The following WNK1 variants were observed in gnomAD, a reference collection of about 807,000 sequenced individuals.
The protein encoded by WNK1 is serine/threonine-protein kinase WNK1.
In WNK1, 38 loss-of-function variants were observed where a neutral mutation model predicts 222.8. That is an observed-to-expected ratio of 0.17 (90% CI 0.13 to 0.22). The LOEUF (loss-of-function observed/expected upper bound fraction) is 0.22, where lower values mean the gene tolerates loss of function less well. WNK1 is among the 10% of genes least tolerant of loss of function. The probability of loss-of-function intolerance (pLI) is 1.00; values close to 1 mark genes in which losing one functional copy is unlikely to be tolerated. For synonymous variants in WNK1, 1,090 were observed against 1,092.9 expected, an observed-to-expected ratio of 1.00 and a Z score of 0.05; for missense variants, 2,348 against 2,918.4, an observed-to-expected ratio of 0.80 and a Z score of 4.50.
chr12:879,471 T>TTTTTTTTGTTTA, intron 10 of WNK1, 102 bp from the exon 11 acceptor site: 1 of 749,698 alleles, frequency 1.3e-6, no homozygotes, highest in South Asian at 2.0e-5. Context: ...TGTTTTTTCC[T>TTTTTTTTGTTTA]TCTTTTTGGC....
At chr12:906,979 C>T (rs1431310641) in intron 26 of WNK1, among the ~76,000 whole-genome samples, 5 of 142,018 alleles carry the variant, frequency 3.5e-5, no homozygotes, top group East Asian at 4.1e-4. Context: ...GTGATTGTGC[C>T]GCTGTATCCA....
Position 897,487 on chromosome 12 carries a change from A to T in WNK1, c.6254A>T (p.Lys2085Ile), listed in dbSNP as rs1238009725. The T allele has an allele frequency of 1.3e-6, 2 of 1,592,548 alleles. No individual in the cohort carries two copies. The highest frequency in any genetic ancestry group is 1.7e-6 in the Non-Finnish European group (2 of 1,160,544). ...TTGGTTATCTTTCACAGACATCTCA[A>T]AGAGATTCAGGACCTGCAGAGTCGC... is the stretch of plus-strand genomic sequence containing the variant. ...ELRRLRDKHL[K>I]EIQDLQSRQK... The change falls in exon 25 of 28, where the codon AAA becomes ATA. Residue 2085 changes from lysine (K) to isoleucine (I), a missense_variant. Coordinates refer to ENST00000315939, the MANE Select transcript of WNK1 (RefSeq NM_018979.4).
chr12:806,461 T>C (rs1316474154), intron 1 of WNK1, among the ~76,000 whole-genome samples: 1 of 152,246 alleles, frequency 6.6e-6, no homozygotes, highest in Non-Finnish European at 1.5e-5. Flanking sequence ...CAAGTGCCCC[T>C]GAAGATTCTT....
Position 865,796 on chromosome 12 carries a change from C to CT in WNK1, c.2139+3537dup, listed in dbSNP as rs34821089. Among the ~76,000 whole-genome samples, 1,051 of 145,526 alleles carry CT rather than the reference C, an allele frequency of 7.2e-3. 11 individuals carry two copies. The highest frequency in any genetic ancestry group is 0.024 in the African/African-American group (943 of 39,878). Reference sequence around the variant, plus strand: ...AGACACTAATAAAACTGGATGAGTCCTTTTTTTTTTTAATAACCTTAGTCA... The same window carrying CT: ...AGACACTAATAAAACTGGATGAGTCCTTTTTTTTTTTTAATAACCTTAGTCA... On this transcript the variant is annotated intron_variant, in intron 8 of 27. Transcript: ENST00000315939.
rs1940620379 is a variant in WNK1 at position 758,988 on chromosome 12, C to T, written c.759+4664C>T. 1.4e-5 allele frequency among the ~76,000 whole-genome samples: 2 copies of T among 144,972 alleles called. 1 individual carries two copies. Among genetic ancestry groups the T allele is most frequent in the Non-Finnish European group, 3.1e-5 (2 of 65,192 alleles). On this transcript the variant is annotated intron_variant, in intron 1 of 27. Coordinates refer to ENST00000315939, the MANE Select transcript of WNK1 (RefSeq NM_018979.4). ...TCATTTAAAATTTATCTTATTCCACCAGCAGCTTATCAAAGAATTTCAAAA... is the reference window on the plus strand; with the variant it reads ...TCATTTAAAATTTATCTTATTCCACTAGCAGCTTATCAAAGAATTTCAAAA...
At chr12:822,395 A>G (rs1947976560) in intron 2 of WNK1, among the ~76,000 whole-genome samples, 1 of 152,126 alleles carries the variant, frequency 6.6e-6, no homozygotes, top group South Asian at 2.1e-4. Context: ...CCGCAGCCGT[A>G]ATATATCACA....
At position 896,522 on chromosome 12, in the gene WNK1, C is replaced by T; in HGVS notation, c.6035C>T (p.Ser2012Phe). ...CCTTCACATCTAAATGGGCCGTCTT[C>T]TGACCCGGAGGCCGCTTTTTTAAGT... ...SEPSHLNGPSSDPEAAFLSRD... is the reference protein window; with the variant it reads ...SEPSHLNGPSFDPEAAFLSRD... Residue 2012 changes from serine to phenylalanine, a missense_variant, in exon 24 of 28, where the codon TCT (serine) becomes TTT (phenylalanine). By Grantham distance (155) the Ser-to-Phe change is radical (BLOSUM62 -2). Around this residue, in one of 13 missense-constraint regions of WNK1, gnomAD observed 1,144 missense variants for 1,273.6 expected, o/e 0.90. Coordinates refer to ENST00000315939, the MANE Select transcript of WNK1 (RefSeq NM_018979.4). 1 of 1,613,764 alleles carries T rather than the reference C, an allele frequency of 6.2e-7. No individual in the cohort carries two copies. Among genetic ancestry groups the T allele is most frequent in the Non-Finnish European group, 8.5e-7 (1 of 1,179,970 alleles).
chr12:776,342 C>G (rs1943078041), intron 1 of WNK1, among the ~76,000 whole-genome samples: 1 of 150,830 alleles, frequency 6.6e-6, no homozygotes, highest in Non-Finnish European at 1.5e-5. Context: ...TTTCAGTTTT[C>G]AAGCTGCTGT....
chr12:829,902 A>G, intron 3 of WNK1, 101 bp from the exon 4 acceptor site: 2 of 1,300,392 alleles, frequency 1.5e-6, no homozygotes, highest in South Asian at 2.4e-5. Context: ...CCCCATTCCA[A>G]TTTCTTCTCT....
intron 4 of WNK1, chr12:851,788 T>C: frequency 7.5e-7 from 1 of 1,340,066 alleles, no homozygotes; most frequent in Non-Finnish European, 9.8e-7. Flanking sequence ...ATGAGGTAGG[T>C]AAGAATTTCC....
intron 4 of WNK1, among the ~76,000 whole-genome samples, chr12:849,671 C>T (rs965838674): frequency 1.3e-5 from 2 of 152,110 alleles, no homozygotes; most frequent in Non-Finnish European, 2.9e-5. Context: ...CACCCATTAA[C>T]TCATCATTTA....
At chr12:853,323 T>C (rs1592018789) in intron 4 of WNK1, among the ~76,000 whole-genome samples, 1 of 152,232 alleles carries the variant, frequency 6.6e-6, no homozygotes, top group Non-Finnish European at 1.5e-5. Flanking sequence ...TGTAAAGTCA[T>C]GAATTCATAT....
At chr12:850,957 G>A (rs1301269230) in intron 4 of WNK1, among the ~76,000 whole-genome samples, 1 of 152,138 alleles carries the variant, frequency 6.6e-6, no homozygotes, top group Non-Finnish European at 1.5e-5. Context: ...GTACCATGCT[G>A]TTTTGGTTAC....
intron 8 of WNK1, chr12:869,134 A>G (rs375499291): frequency 2.6e-4 from 414 of 1,612,076 alleles, no homozygotes; most frequent in Non-Finnish European, 3.4e-4. Flanking sequence ...AATTATTTTA[A>G]ACTACCCTAC....
chr12:861,269 A>C lies in WNK1; in HGVS notation c.1877A>C (p.Gln626Pro). Residue 626 changes from glutamine (Q) to proline (P), a missense_variant, in exon 7 of 28, where the codon CAA (glutamine) becomes CCA (proline). Around this residue, in one of 13 missense-constraint regions of WNK1, gnomAD observed 103 missense variants for 111.5 expected, o/e 0.92. Transcript: ENST00000315939. ...ACCACTTCAGCTTCAGTTTCTACACAAGTAGAACCTGAAGAACCTGAGGCA... is the reference window on the plus strand; with the variant it reads ...ACCACTTCAGCTTCAGTTTCTACACCAGTAGAACCTGAAGAACCTGAGGCA... ...ASTTSASVST[Q>P]VEPEEPEADQ... 1 of 1,614,130 alleles carries C rather than the reference A, an allele frequency of 6.2e-7. No individual in the cohort carries two copies. Among genetic ancestry groups the C allele is most frequent in the Non-Finnish European group, 8.5e-7 (1 of 1,180,006 alleles).
chr12:905,401 G>T (rs1012671821), intron 26 of WNK1, among the ~76,000 whole-genome samples: 9 of 152,042 alleles, frequency 5.9e-5, no homozygotes, highest in African/African-American at 2.2e-4. Flanking sequence ...GGTAATGTAG[G>T]GTAAAATGAA....
In WNK1 at chr12:878,315, A is replaced by AGCCTCAAGCTCCACAAGTCTT. The variant is rs1178786589; in HGVS notation, c.2336_2356dup (p.Ala779_Gln785dup). The AGCCTCAAGCTCCACAAGTCTT allele has an allele frequency of 1.9e-6, 3 of 1,613,944 alleles. No individual in the cohort carries two copies. Among genetic ancestry groups the AGCCTCAAGCTCCACAAGTCTT allele is most frequent in the Non-Finnish European group, 2.5e-6 (3 of 1,179,942 alleles). On this transcript the variant is annotated inframe_insertion, in exon 10 of 28. Transcript: ENST00000315939. ...GCCACTACTGCACAGCCAGTGAGTC[A>AGCCTCAAGCTCCACAAGTCTT]GCCTCAAGCTCCACAAGTCTTGCCT...
Position 861,169 on chromosome 12 carries a change from G to A in WNK1, c.1777G>A (p.Val593Ile), listed in dbSNP as rs1330766185. Reference sequence around the variant, plus strand: ...GGAAGAGAGCAGTCTCAAACAGCAGGTAGAACAATCCAGTGCTTCCCAGAC... The same window carrying A: ...GGAAGAGAGCAGTCTCAAACAGCAGATAGAACAATCCAGTGCTTCCCAGAC... ...KQEESSLKQQVEQSSASQTGI... is the reference protein window; with the variant it reads ...KQEESSLKQQIEQSSASQTGI... Residue 593 changes from valine to isoleucine, a missense_variant, in exon 7 of 28, where the codon GTA becomes ATA. Physicochemically the swap from Val to Ile is conservative, Grantham distance 29. This residue lies in a region of WNK1 where 103 missense variants were observed against 111.5 expected (regional missense o/e 0.92). Coordinates refer to ENST00000315939, the MANE Select transcript of WNK1 (RefSeq NM_018979.4). 3 of 1,614,016 alleles carry A rather than the reference G, an allele frequency of 1.9e-6. No individual in the cohort carries two copies. The South Asian group carries it at 3.3e-5, about 18-fold the overall frequency.
At chr12:769,972 G>C (rs1000657770) in intron 1 of WNK1, among the ~76,000 whole-genome samples, 10 of 150,744 alleles carry the variant, frequency 6.6e-5, no homozygotes, top group Non-Finnish European at 1.2e-4. Context: ...CATTGCATAA[G>C]TTTCTTTTTT....
Sources: allele counts gnomAD v4.1 joint callset (sites outside exome capture counted in the v4.1 genomes callset), GRCh38; gene constraint gnomAD v4.1.1; regional missense constraint gnomAD v4.1.1; transcripts MANE v1.5; gene names NCBI Gene and HGNC (gene_info 2026-07-23, HGNC 2026-07-21).